Variants in WWP2 observed in about 807,000 individuals in gnomAD.
WWP2 encodes the protein WW domain containing E3 ubiquitin protein ligase 2.
WWP2 carries 57 observed loss-of-function variants against 121.0 expected under a neutral mutation model. The ratio of observed to expected loss-of-function variants is 0.47; its 90% CI spans 0.38 to 0.59. The LOEUF is 0.59. Among genes scored for constraint, WWP2 ranks in the 20% least tolerant of loss-of-function variants. The probability of loss-of-function intolerance (pLI) is 0.00; values close to 1 mark genes in which losing one functional copy is unlikely to be tolerated. For synonymous variants in WWP2, 449 were observed against 441.3 expected (o/e 1.02, Z -0.22); for missense variants, 962 against 1,158.9 (o/e 0.83, Z 2.47).
At position 69,941,106 on chromosome 16, in the gene WWP2, GA is replaced by G; in HGVS notation, c.*1170del. 6.6e-6 allele frequency: 1 copy of G among 152,466 alleles called. No homozygotes were observed. Among genetic ancestry groups the G allele is most frequent in the Non-Finnish European group, 1.5e-5 (1 of 68,086 alleles). 9.4% of individuals were successfully genotyped at this position (152,466 alleles called of 1,614,324 possible). On this transcript the variant is annotated 3_prime_UTR_variant, in exon 24 of 24. Coordinates refer to ENST00000359154, the MANE Select transcript of WWP2 (RefSeq NM_001270454.2). Reference sequence around the variant, plus strand: ...GAGGCTTTATCTGCACACAGGACATGAAAACCAGCAGAAAGGCCCTGAGCTG... The same window carrying G: ...GAGGCTTTATCTGCACACAGGACATGAAACCAGCAGAAAGGCCCTGAGCTG...
chr16:69,840,085 A>T, intron 4 of WWP2, 41 bp from the exon 5 acceptor site: 1 of 1,606,564 alleles, frequency 6.2e-7, no homozygotes, highest in Non-Finnish European at 8.5e-7. Context: ...CTTGGGGTGC[A>T]TTCTCTTTAG....
At chr16:69,815,964 C>G (rs2056482387) in intron 4 of WWP2, among the ~76,000 whole-genome samples, 1 of 152,000 alleles carries the variant, frequency 6.6e-6, no homozygotes, top group Admixed American at 6.6e-5. Flanking sequence ...TACTATGTTG[C>G]CCAGGCTGGC....
intron 8 of WWP2, among the ~76,000 whole-genome samples, chr16:69,898,154 A>G (rs936711740): frequency 4.0e-5 from 6 of 151,190 alleles, no homozygotes; most frequent in African/African-American, 1.5e-4. Context: ...CAGCCTCCCA[A>G]GTAGCTGGGA....
rs1442777715 is a variant in WWP2 at position 69,820,581 on chromosome 16, G to A, written c.341-19545G>A. Among the ~76,000 whole-genome samples, 13 of 130,146 alleles carry A rather than the reference G, an allele frequency of 1.0e-4. 1 individual carries two copies. The highest frequency in any genetic ancestry group is 3.3e-4 in the African/African-American group (13 of 39,572). 85.4% of individuals were successfully genotyped at this position (130,146 alleles called of 152,430 possible). A position where few individuals can be genotyped will look rare whatever the true frequency, so the allele number is the denominator to read the frequency against. ...AAAAAAAAAAAAAATAGGACCACAC[G>A]TATTGTATATTGTGGCCTTGAAAAA... On this transcript the variant is annotated intron_variant, in intron 4 of 23. Transcript: ENST00000359154.
At chr16:69,822,668 A>G (rs947896486) in intron 4 of WWP2, among the ~76,000 whole-genome samples, 2 of 152,164 alleles carry the variant, frequency 1.3e-5, no homozygotes, top group Non-Finnish European at 2.9e-5. Context: ...AAATCATTTT[A>G]GGTGGAGGGA....
At chr16:69,891,232 A>G (rs1281321753) in intron 8 of WWP2, among the ~76,000 whole-genome samples, 2 of 152,116 alleles carry the variant, frequency 1.3e-5, no homozygotes, top group Non-Finnish European at 2.9e-5. Flanking sequence ...GCCCCACCCC[A>G]GTTTACTTAA....
At chr16:69,892,336 C>T (rs1380280093) in intron 8 of WWP2, among the ~76,000 whole-genome samples, 1 of 151,838 alleles carries the variant, frequency 6.6e-6, no homozygotes, top group Admixed American at 6.6e-5. Context: ...TGCTATCCCT[C>T]CCCTAGCCCC....
At chr16:69,833,003 G>A (rs950416989) in intron 4 of WWP2, among the ~76,000 whole-genome samples, 2 of 152,050 alleles carry the variant, frequency 1.3e-5, no homozygotes, top group African/African-American at 2.4e-5. Flanking sequence ...GCAGGTGCAC[G>A]CCACCACGTC....
rs139045758 is a variant in WWP2, at chr16:69,910,559, G to A, written c.1004+1709G>A. 2.5e-4 allele frequency among the ~76,000 whole-genome samples: 38 copies of A among 152,136 alleles called. 1 individual carries two copies. The highest frequency in any genetic ancestry group is 3.4e-3 in the Middle Eastern group (1 of 294). On this transcript the variant is annotated intron_variant, in intron 9 of 23. Transcript: ENST00000359154. ...TAAGTAGCTGGGATTACAGGCGCCC[G>A]CCACTATGCCCAACTAATTTTTTGT...
chr16:69,909,303 C>T lies in WWP2; in HGVS notation c.1004+453C>T, dbSNP rs1196511642. 2.3e-5 allele frequency: 23 copies of T among 987,810 alleles called. No homozygotes were observed. The East Asian group carries it at 1.1e-3, about 48-fold the overall frequency. 61.2% of individuals were successfully genotyped at this position (987,810 alleles called of 1,614,324 possible). On this transcript the variant is annotated intron_variant, in intron 9 of 23. Transcript: ENST00000359154. ...TCTTTCCACATGTGTCTCCTGGTCC[C>T]GAGAGCTTTCAAAAGGGGATGTATT...
chr16:69,809,329 G>C (rs976646067), intron 4 of WWP2, among the ~76,000 whole-genome samples: 1 of 152,152 alleles, frequency 6.6e-6, no homozygotes, highest in Non-Finnish European at 1.5e-5. Flanking sequence ...TCTGGTAATT[G>C]CAAATCTTCC....
rs1157162856 is a variant in WWP2, at chr16:69,894,278, A to C, written c.914+6029A>C. Among the ~76,000 whole-genome samples, 55 of 142,800 alleles carry C rather than the reference A, an allele frequency of 3.9e-4. 1 individual carries two copies. The highest frequency in any genetic ancestry group is 3.5e-3 in the Middle Eastern group (1 of 282). 93.7% of individuals were successfully genotyped at this position (142,800 alleles called of 152,430 possible). The stretch of plus-strand genomic sequence containing the variant: ...TTTTTTTGGTAGAGATGAGGGTCTC[A>C]CTCTGTTGCCCATGCGGATCTCAAA... On this transcript the variant is annotated intron_variant, in intron 8 of 23. Coordinates refer to ENST00000359154, the MANE Select transcript of WWP2 (RefSeq NM_001270454.2).
intron 8 of WWP2, among the ~76,000 whole-genome samples, chr16:69,899,607 G>A (rs911691126): frequency 7.9e-5 from 12 of 151,074 alleles, no homozygotes; most frequent in Middle Eastern, 3.4e-3. Context: ...GTGCATGCCT[G>A]TAATCTCAGC....
chr16:69,869,741 A>G (rs959230826), intron 6 of WWP2, among the ~76,000 whole-genome samples: 29 of 152,194 alleles, frequency 1.9e-4, no homozygotes, highest in African/African-American at 5.1e-4. Context: ...TTTATTCCCA[A>G]TATCCAAAGA....
Position 69,799,291 on chromosome 16 carries a change from C to G in WWP2, c.336C>G (p.Gly112=). 1 of 1,612,954 alleles carries G rather than the reference C, an allele frequency of 6.2e-7. No individual in the cohort carries two copies. Among genetic ancestry groups the G allele is most frequent in the Non-Finnish European group, 8.5e-7 (1 of 1,179,624 alleles). Residue 112 remains glycine, a synonymous_variant, in exon 4 of 24, where the codon GGC becomes GGG. Transcript: ENST00000359154. This position sits in a 1 kb window ranked among gnomAD's most constrained non-coding sequence, Gnocchi z 4.5. ...NLSNVLKNNG[G]KMENMQLTLN... ...CCAACGTCTTGAAGAACAATGGGGG[C>G]AAAAGTACGTATGATGAAGGGGGTG...
At chr16:69,895,435 G>C (rs1004723292) in intron 8 of WWP2, among the ~76,000 whole-genome samples, 1 of 152,110 alleles carries the variant, frequency 6.6e-6, no homozygotes, top group Non-Finnish European at 1.5e-5. Flanking sequence ...CGAATCTATT[G>C]AGCACACATG....
chr16:69,839,208 G>A (rs1181380446), intron 4 of WWP2, among the ~76,000 whole-genome samples: 2 of 152,154 alleles, frequency 1.3e-5, no homozygotes, highest in Non-Finnish European at 2.9e-5. Context: ...AAGGTGTGGA[G>A]TGGACGGACC....
intron 9 of WWP2, 195 bp from the exon 10 acceptor site, chr16:69,917,514 T>G: frequency 1.9e-6 from 1 of 524,602 alleles, no homozygotes; most frequent in Non-Finnish European, 3.2e-6. Context: ...ATCCCCAAAT[T>G]AGAAATTGAG....
intron 6 of WWP2, among the ~76,000 whole-genome samples, chr16:69,864,015 A>G (rs576201275): frequency 1.3e-5 from 2 of 152,340 alleles, no homozygotes; most frequent in African/African-American, 4.8e-5. Context: ...CAAAGCCTCT[A>G]TGAGCTTTTG....
Sources: allele counts gnomAD v4.1 joint callset (sites outside exome capture counted in the v4.1 genomes callset), GRCh38; gene constraint gnomAD v4.1.1; non-coding constraint Gnocchi (gnomAD v3.1); transcripts MANE v1.5; gene names NCBI Gene and HGNC (gene_info 2026-07-23, HGNC 2026-07-21).